The following SLTM variants were observed in gnomAD, a reference collection of about 807,000 sequenced individuals.
SLTM encodes the protein SAFB like transcription modulator, also known as SAFB-like transcription modulator.
Under a neutral mutation model 134.6 loss-of-function variants are expected in SLTM, and 43 were observed. That is an observed-to-expected ratio of 0.32 (90% CI 0.25 to 0.41). SLTM has a LOEUF of 0.41. SLTM is among the 10% of genes least tolerant of loss of function. SLTM has a pLI of 1.00. For synonymous variants in SLTM, 424 were observed against 432.3 expected (o/e 0.98, Z 0.24); for missense variants, 1,055 against 1,288.8 (o/e 0.82, Z 2.78).
chr15:58,929,044 A>G (rs2037679325), intron 2 of SLTM, among the ~76,000 whole-genome samples: 2 of 152,242 alleles, frequency 1.3e-5, no homozygotes. Context: ...CAGTTTTACA[A>G]AAGAGAAAAC....
chr15:58,919,654 A>C (rs1227164526), intron 2 of SLTM, among the ~76,000 whole-genome samples: 1 of 152,020 alleles, frequency 6.6e-6, no homozygotes, highest in Non-Finnish European at 1.5e-5. Context: ...CCAAAACATC[A>C]AATCCTCTCC....
chr15:58,908,002 C>CGTGTGTGTGTGTGTGTGTGTGTGTGTGT (rs140029214), intron 5 of SLTM, among the ~76,000 whole-genome samples: 1 of 139,870 alleles, frequency 7.1e-6, no homozygotes, highest in African/African-American at 2.7e-5. Context: ...AAACATGCTG[C>CGTGTGTGTGTGTGTGTGTGTGTGTGTGT]GTGTGTGTGT....
chr15:58,900,047 T>C (rs2035358088), intron 6 of SLTM, 110 bp from the exon 7 acceptor site: 3 of 753,128 alleles, frequency 4.0e-6, no homozygotes, highest in Non-Finnish European at 4.0e-6. Flanking sequence ...TTAGCACTGA[T>C]GGAAGTTAGG....
chr15:58,933,374 C>G (rs146041870), intron 1 of SLTM, 30 bp downstream of exon 1: 7 of 1,562,468 alleles, frequency 4.5e-6, no homozygotes, highest in South Asian at 1.2e-5. Context: ...TTCCCCTTCC[C>G]GGTCCTTTCC....
At chr15:58,903,602 G>A (rs2035646001) in intron 5 of SLTM, among the ~76,000 whole-genome samples, 1 of 151,928 alleles carries the variant, frequency 6.6e-6, no homozygotes, top group Non-Finnish European at 1.5e-5. Flanking sequence ...ATGAGTTAAC[G>A]GGTGCAGCAC....
intron 5 of SLTM, among the ~76,000 whole-genome samples, chr15:58,901,682 C>T (rs1197897829): frequency 1.3e-5 from 2 of 152,098 alleles, no homozygotes; most frequent in African/African-American, 4.8e-5. Context: ...AAAACAGTAC[C>T]AGAAAGTATA....
intron 9 of SLTM, among the ~76,000 whole-genome samples, chr15:58,896,552 C>A (rs1380283311): frequency 6.6e-6 from 1 of 151,542 alleles, no homozygotes; most frequent in Non-Finnish European, 1.5e-5. Flanking sequence ...CACAGTGAGA[C>A]TGTGTCTCAA....
chr15:58,909,423 A>G lies in SLTM; in HGVS notation c.561+3140T>C, dbSNP rs554039981. ...TCAATATTCTGAAAATTGGTAAATA[A>G]AAAGGAAAGAATCAAACATATATCC... On this transcript the variant is annotated intron_variant, in intron 5 of 20. Transcript: ENST00000380516. 1.2e-4 allele frequency among the ~76,000 whole-genome samples: 18 copies of G among 152,354 alleles called. No individual in the cohort carries two copies. In the East Asian group the frequency reaches 2.1e-3, roughly 18 times the overall value.
At chr15:58,897,381 A>T in intron 8 of SLTM, 148 bp from the exon 9 acceptor site, 1 of 556,088 alleles carries the variant, frequency 1.8e-6, no homozygotes, top group South Asian at 2.6e-5. Flanking sequence ...TTGAAATCAA[A>T]CAGACAACAT....
intron 5 of SLTM, among the ~76,000 whole-genome samples, chr15:58,907,323 GAAT>G (rs1184201811): frequency 6.6e-6 from 1 of 152,096 alleles, no homozygotes; most frequent in Non-Finnish European, 1.5e-5. Flanking sequence ...AAATTTTTAA[GAAT>G]AAAAGCATAT....
Position 58,893,975 on chromosome 15 carries a change from A to G in SLTM, c.1494T>C (p.Ser498=). Residue 498 remains serine, a synonymous_variant, in exon 12 of 21, where the codon TCT becomes TCC. Coordinates refer to ENST00000380516, the MANE Select transcript of SLTM (RefSeq NM_024755.4). The part of the protein sequence containing the change: ...TSDRSSKTQA[S]VKKEEKRSSE... ...ACGATCTTTTCTCTTCTTTTTTGACAGAGGCTTGTGTCCTGACCATACCGC... is the reference window on the plus strand; with the variant it reads ...ACGATCTTTTCTCTTCTTTTTTGACGGAGGCTTGTGTCCTGACCATACCGC... 6.2e-7 allele frequency: 1 copy of G among 1,610,702 alleles called. No individual in the cohort carries two copies. The highest frequency in any genetic ancestry group is 8.5e-7 in the Non-Finnish European group (1 of 1,179,388).
chr15:58,916,916 T>G lies in SLTM; in HGVS notation c.315+19A>C, dbSNP rs769257882. The G allele has an allele frequency of 1.2e-6, 2 of 1,607,888 alleles. No homozygotes were observed. Among genetic ancestry groups the G allele is most frequent in the South Asian group, 1.1e-5 (1 of 90,830 alleles). Reference sequence around the variant, plus strand: ...TAGGCTTAAAATAAGCATCTTAACCTGAGTAATTAACACTTTACCTTGATA... The same window carrying G: ...TAGGCTTAAAATAAGCATCTTAACCGGAGTAATTAACACTTTACCTTGATA... On this transcript the variant is annotated intron_variant, in intron 3 of 20. Coordinates refer to ENST00000380516, the MANE Select transcript of SLTM (RefSeq NM_024755.4).
chr15:58,917,005 AAAG>A lies in SLTM; in HGVS notation c.251-9_251-7del. The stretch of plus-strand genomic sequence containing the variant: ...ATCTGCTTCATGTTTTTTACCTGCG[AAAG>A]AAGGAAAATGGGCTAACAACCAATA... On this transcript the variant is annotated splice_region_variant and splice_polypyrimidine_tract_variant and intron_variant, in intron 2 of 20. Transcript: ENST00000380516. The A allele has an allele frequency of 2.5e-6, 4 of 1,613,236 alleles. No homozygotes were observed. Among genetic ancestry groups the A allele is most frequent in the Non-Finnish European group, 3.4e-6 (4 of 1,179,464 alleles).
intron 5 of SLTM, among the ~76,000 whole-genome samples, chr15:58,903,287 G>A (rs972137984): frequency 4.0e-5 from 6 of 151,880 alleles, no homozygotes; most frequent in South Asian, 4.2e-4. Flanking sequence ...CACCCACCTC[G>A]GCCTCCCAAA....
chr15:58,921,601 A>G (rs1468165264), intron 2 of SLTM: 1 of 443,540 alleles, frequency 2.3e-6, no homozygotes, highest in Non-Finnish European at 4.5e-6. Flanking sequence ...AGACATTAGG[A>G]CAAGATTGTC....
At chr15:58,929,058 C>T (rs1049121262) in intron 2 of SLTM, among the ~76,000 whole-genome samples, 2 of 152,052 alleles carry the variant, frequency 1.3e-5, no homozygotes, top group Admixed American at 6.6e-5. Flanking sequence ...AGAAAACAGG[C>T]GCACTGAAGG....
Position 58,933,648 on chromosome 15 carries a change from G to A in SLTM, c.-83C>T. 2.9e-6 allele frequency: 4 copies of A among 1,378,520 alleles called. No homozygotes were observed. The highest frequency in any genetic ancestry group is 3.2e-5 in the South Asian group (2 of 61,710). 85.4% of individuals were successfully genotyped at this position (1,378,520 alleles called of 1,614,324 possible). A position where few individuals can be genotyped will look rare whatever the true frequency, so the allele number is the denominator to read the frequency against. On this transcript the variant is annotated 5_prime_UTR_variant, in exon 1 of 21. Transcript: ENST00000380516. ...CGCCAACTTCCACCCAGGCCTCGGC[G>A]GCCGCCGGCGCCGCGCAGCGCTGCG...
intron 20 of SLTM, 60 bp downstream of exon 20, chr15:58,883,566 T>A: frequency 1.3e-6 from 2 of 1,597,426 alleles, no homozygotes; most frequent in Non-Finnish European, 1.7e-6. Context: ...CTATAATGAC[T>A]TTTATGGAAA....
chr15:58,893,095 A>T (rs371823493), intron 13 of SLTM, 35 bp from the exon 14 acceptor site: 2 of 1,541,834 alleles, frequency 1.3e-6, no homozygotes, highest in African/African-American at 2.8e-5. Flanking sequence ...CTAGAAATTA[A>T]AATATTTTGG....
Sources: allele counts gnomAD v4.1 joint callset (sites outside exome capture counted in the v4.1 genomes callset), GRCh38; gene constraint gnomAD v4.1.1; transcripts MANE v1.5; gene names NCBI Gene and HGNC (gene_info 2026-07-23, HGNC 2026-07-21).